Variants in DHX8 observed in about 807,000 individuals in gnomAD.
The protein encoded by DHX8 is DEAH-box helicase 8, also known as ATP-dependent RNA helicase DHX8.
A neutral mutation model predicts 140.7 loss-of-function variants in DHX8; 67 were observed. The observed-to-expected ratio is 0.48, with a 90% CI of 0.39 to 0.58. The LOEUF is 0.58. Ranked by LOEUF, DHX8 falls within the 20% of genes least tolerant of loss-of-function variation. The pLI, the probability that DHX8 is intolerant of heterozygous loss-of-function variation, is 0.00. For missense variants in DHX8, 887 were observed against 1,550.7 expected (o/e 0.57, Z 7.19); for synonymous variants, 533 against 553.2 (o/e 0.96, Z 0.51).
intron 1 of DHX8, 99 bp from the exon 2 acceptor site, chr17:43,489,350 A>G: frequency 1.2e-6 from 1 of 804,594 alleles, no homozygotes; most frequent in Non-Finnish European, 2.0e-6. Flanking sequence ...TTTGTTTTTT[A>G]TTACTGTTGG....
rs770233455 is a variant in DHX8 at position 43,489,510 on chromosome 17, C to T, written c.210C>T (p.Leu70=). The T allele has an allele frequency of 2.2e-5, 36 of 1,608,350 alleles. No individual in the cohort carries two copies. Among genetic ancestry groups the T allele is most frequent in the Admixed American group, 3.3e-5 (2 of 59,800 alleles). Residue 70 remains leucine, a synonymous_variant, in exon 2 of 23, where the codon CTC becomes CTT. Coordinates refer to ENST00000262415, the MANE Select transcript of DHX8 (RefSeq NM_004941.3). ...NTTFDTFKAS[L]VKNGAEFTDS... is the part of the protein sequence containing the mutation. Reference sequence around the variant, plus strand: ...CCTTTGATACTTTTAAGGCTTCTCTCGTCAAAAATGGTGCAGAATTTACGG... The same window carrying T: ...CCTTTGATACTTTTAAGGCTTCTCTTGTCAAAAATGGTGCAGAATTTACGG...
intron 1 of DHX8, among the ~76,000 whole-genome samples, chr17:43,488,235 G>A (rs1185563071): frequency 1.3e-5 from 2 of 150,594 alleles, no homozygotes; most frequent in Admixed American, 6.6e-5. Flanking sequence ...CCAAGATCCC[G>A]CCACTGCACT....
intron 3 of DHX8, among the ~76,000 whole-genome samples, chr17:43,538,776 G>C (rs1279975148): frequency 6.6e-6 from 1 of 152,130 alleles, no homozygotes; most frequent in Non-Finnish European, 1.5e-5. Context: ...GGGTGATGCA[G>C]TGGAACCTGT....
chr17:43,504,322 C>T (rs913308954), intron 11 of DHX8, among the ~76,000 whole-genome samples: 1 of 151,988 alleles, frequency 6.6e-6, no homozygotes, highest in African/African-American at 2.4e-5. Context: ...TGCACCACTG[C>T]ACTCCCACTT....
intron 11 of DHX8, among the ~76,000 whole-genome samples, chr17:43,500,463 G>C (rs1322168349): frequency 6.6e-6 from 1 of 151,796 alleles, no homozygotes; most frequent in Non-Finnish European, 1.5e-5. Context: ...CTCCAGCCTG[G>C]GTGATAGAAT....
chr17:43,526,255 TG>T, downstream of DHX8: 1 of 1,297,508 alleles, frequency 7.7e-7, no homozygotes, highest in South Asian at 1.9e-5. Context: ...GGAGAGGATG[TG>T]GGTCTCATGC....
chr17:43,542,285 C>G (rs1011616004), intron 3 of DHX8, among the ~76,000 whole-genome samples: 1 of 152,098 alleles, frequency 6.6e-6, no homozygotes, highest in African/African-American at 2.4e-5. Flanking sequence ...TCAGAGGGAT[C>G]AAGGATCCCA....
At chr17:43,484,598 A>T (rs575803271) in intron 1 of DHX8, among the ~76,000 whole-genome samples, 2 of 152,282 alleles carry the variant, frequency 1.3e-5, no homozygotes, top group Admixed American at 6.5e-5. Flanking sequence ...ACTCTGTGAC[A>T]TAGTAGTTAG....
At position 43,524,824 on chromosome 17, in the gene DHX8, A is replaced by G. The variant is rs1024663407; in HGVS notation, c.*977A>G. On this transcript the variant is annotated 3_prime_UTR_variant, in exon 23 of 23. Transcript: ENST00000262415. ...TCCCCACTCCAAACAGAAAACAAACATAACACCTCTCCTCTCAGCTGGTTT... is the reference window on the plus strand; with the variant it reads ...TCCCCACTCCAAACAGAAAACAAACGTAACACCTCTCCTCTCAGCTGGTTT... The G allele has an allele frequency of 1.2e-5, 12 of 985,334 alleles. No homozygotes were observed. The highest frequency in any genetic ancestry group is 1.7e-5 in the African/African-American group (1 of 57,234). The allele number at this position is 985,334 out of a possible 1,614,324, so 61.0% of individuals were successfully genotyped here.
chr17:43,536,447 G>C (rs778682340), exon 3 of DHX8: 1 of 1,614,196 alleles, frequency 6.2e-7, no homozygotes, highest in African/African-American at 1.3e-5. Flanking sequence ...TGGAAATCAG[G>C]AACAAACTGC....
chr17:43,501,733 C>G (rs552974600), intron 11 of DHX8, among the ~76,000 whole-genome samples: 18 of 152,090 alleles, frequency 1.2e-4, no homozygotes, highest in African/African-American at 2.9e-4. Context: ...GATCCCCCCC[C>G]CATCTCAGCC....
At chr17:43,490,513 G>C (rs775545783) in intron 3 of DHX8, 50 bp downstream of exon 3, 2 of 1,434,192 alleles carry the variant, frequency 1.4e-6, no homozygotes, top group Admixed American at 3.9e-5. Flanking sequence ...TGTAGGTTTT[G>C]AACATCCTGT....
chr17:43,489,813 A>G (rs1968397804), intron 2 of DHX8, among the ~76,000 whole-genome samples: 1 of 152,050 alleles, frequency 6.6e-6, no homozygotes, highest in Non-Finnish European at 1.5e-5. Context: ...GATGGTCTCG[A>G]TCTCCTGACC....
chr17:43,498,334 A>G (rs1041073549), intron 9 of DHX8, among the ~76,000 whole-genome samples: 1 of 151,532 alleles, frequency 6.6e-6, no homozygotes, highest in Non-Finnish European at 1.5e-5. Context: ...TTTAGTAAAG[A>G]TGGGGTTTCA....
At chr17:43,539,733 C>G (rs532363728) in intron 3 of DHX8, among the ~76,000 whole-genome samples, 3 of 152,314 alleles carry the variant, frequency 2.0e-5, no homozygotes, top group Non-Finnish European at 2.9e-5. Flanking sequence ...CAGGCTCCCC[C>G]TCTCCACACA....
intron 1 of DHX8, among the ~76,000 whole-genome samples, 163 bp downstream of exon 1, chr17:43,484,348 G>T (rs555343633): frequency 1.3e-5 from 2 of 152,142 alleles, no homozygotes; most frequent in Admixed American, 6.5e-5. Flanking sequence ...CCGTGGCCTC[G>T]GCTTGAGAGC....
Position 43,507,841 on chromosome 17 carries a change from T to A in DHX8, c.2142T>A (p.Ile714=), listed in dbSNP as rs1057295583. ...AGAAACGGCAGGACATGAAGCTGAT[T>A]GTCACCTCAGCCACCTTGGATGCAG... ...TVQKRQDMKL[I]VTSATLDAVK... The change falls in exon 15 of 23, where the codon ATT becomes ATA. Residue 714 remains isoleucine (I), a synonymous_variant. Transcript: ENST00000262415. The A allele has an allele frequency of 6.2e-7, 1 of 1,614,234 alleles. No homozygotes were observed. Among genetic ancestry groups the A allele is most frequent in the Non-Finnish European group, 8.5e-7 (1 of 1,180,040 alleles).
downstream of DHX8, chr17:43,527,787 GCT>G (rs1970662327): frequency 4.6e-6 from 1 of 217,704 alleles, no homozygotes; most frequent in Admixed American, 5.8e-5. Context: ...CAAGACCAGA[GCT>G]CTTTCTACCC....
intron 2 of DHX8, among the ~76,000 whole-genome samples, chr17:43,531,856 A>G (rs1231794685): frequency 1.3e-5 from 2 of 152,034 alleles, no homozygotes; most frequent in Non-Finnish European, 2.9e-5. Context: ...GACACATCCT[A>G]TTCATCTTTG....
Sources: gnomAD v4.1 joint callset for allele counts (sites outside exome capture counted in the v4.1 genomes callset) on GRCh38, gnomAD v4.1.1 for gene constraint, MANE v1.5 for transcripts, NCBI Gene and HGNC (gene_info 2026-07-23, HGNC 2026-07-21) for gene names.